UAP1: variants seen among roughly 807,000 people sequenced by gnomAD.
UAP1 encodes the protein UDP-N-acetylhexosamine pyrophosphorylase.
Under a neutral mutation model 58.5 loss-of-function variants are expected in UAP1, and 25 were observed. The observed-to-expected ratio is 0.43, with a 90% CI of 0.31 to 0.60. The LOEUF (loss-of-function observed/expected upper bound fraction) is 0.60. Ranked by LOEUF, UAP1 falls within the 20% of genes least tolerant of loss-of-function variation. The pLI is 0.11. For synonymous variants in UAP1, 208 were observed against 213.0 expected (o/e 0.98, Z 0.21); for missense variants, 575 against 630.0 (o/e 0.91, Z 0.93).
At chr1:162,571,814 T>G (rs1413530107) in intron 2 of UAP1, among the ~76,000 whole-genome samples, 2 of 152,206 alleles carry the variant, frequency 1.3e-5, no homozygotes, top group African/African-American at 4.8e-5. Flanking sequence ...CATTGCAACT[T>G]TATCGTAGTA....
At chr1:162,566,334 C>T in exon 2 of UAP1, 1 of 1,613,316 alleles carries the variant, frequency 6.2e-7, no homozygotes, top group Non-Finnish European at 8.5e-7. Flanking sequence ...CAGCTCCAGG[C>T]CTGGGAAAGT....
At chr1:162,566,383 A>G in intron 2 of UAP1, 35 bp downstream of exon 2, 2 of 1,577,406 alleles carry the variant, frequency 1.3e-6, no homozygotes, top group Non-Finnish European at 8.6e-7. Context: ...ACTGAAGTTT[A>G]TTTGAGATAT....
chr1:162,572,967 A>G (rs530101960), intron 2 of UAP1, among the ~76,000 whole-genome samples: 6 of 152,336 alleles, frequency 3.9e-5, no homozygotes, highest in East Asian at 3.9e-4. Flanking sequence ...GTGGACTCAT[A>G]TTTTAAAACA....
chr1:162,579,396 G>A (rs1176772466), intron 3 of UAP1, 32 bp from the exon 4 acceptor site: 4 of 1,444,436 alleles, frequency 2.8e-6, no homozygotes, highest in Non-Finnish European at 3.7e-6. Flanking sequence ...ACCTAGCACG[G>A]TTGCTTAGAA....
downstream of UAP1, among the ~76,000 whole-genome samples, chr1:162,600,538 A>T (rs1179442247): frequency 5.3e-5 from 8 of 152,168 alleles, no homozygotes; most frequent in African/African-American, 1.7e-4. Context: ...TGGATAAATG[A>T]TTCTAAAAAT....
At chr1:162,596,121 G>T (rs1208705112) in intron 9 of UAP1, among the ~76,000 whole-genome samples, 1 of 151,928 alleles carries the variant, frequency 6.6e-6, no homozygotes, top group Non-Finnish European at 1.5e-5. Context: ...TCAAAGTGCT[G>T]AGATTATAGG....
intron 4 of UAP1, 58 bp downstream of exon 4, chr1:162,579,661 A>T (rs1358048255): frequency 4.0e-5 from 54 of 1,340,608 alleles, no homozygotes; most frequent in Non-Finnish European, 5.0e-5. Flanking sequence ...AAATCATCAA[A>T]TGTTGATTTT....
intron 1 of UAP1, among the ~76,000 whole-genome samples, chr1:162,563,716 G>C (rs1197069364): frequency 1.3e-5 from 2 of 152,190 alleles, no homozygotes; most frequent in African/African-American, 2.4e-5. Context: ...TGAAGGTGGA[G>C]GAGTATCTAA....
intron 1 of UAP1, among the ~76,000 whole-genome samples, chr1:162,562,049 G>T (rs2101713306): frequency 6.6e-6 from 1 of 152,350 alleles, no homozygotes; most frequent in South Asian, 2.1e-4. Flanking sequence ...CGGGGCCAGG[G>T]ATGGAATGAG....
exon 2 of UAP1, chr1:162,566,037 C>T (rs1653470506): frequency 1.9e-6 from 3 of 1,597,078 alleles, no homozygotes; most frequent in Non-Finnish European, 2.6e-6. Context: ...CATTACACCC[C>T]TATTTCTACA....
chr1:162,569,580 T>G (rs915939927), intron 2 of UAP1, among the ~76,000 whole-genome samples: 4 of 152,216 alleles, frequency 2.6e-5, no homozygotes, highest in African/African-American at 9.6e-5. Flanking sequence ...TGGGAAAACC[T>G]GTTTGCTTGA....
At chr1:162,598,749 C>T (rs1411416743) in intron 10 of UAP1, among the ~76,000 whole-genome samples, 2 of 152,176 alleles carry the variant, frequency 1.3e-5, no homozygotes, top group African/African-American at 2.4e-5. Context: ...TGCAGTGGCT[C>T]ATGCCTGTAA....
At chr1:162,569,977 G>A (rs1415383089) in intron 2 of UAP1, among the ~76,000 whole-genome samples, 6 of 152,020 alleles carry the variant, frequency 3.9e-5, no homozygotes, top group South Asian at 2.1e-4. Flanking sequence ...ATGAAACCCC[G>A]TCTGTACTAA....
chr1:162,587,477 G>C, exon 6 of UAP1: 1 of 1,604,704 alleles, frequency 6.2e-7, no homozygotes, highest in South Asian at 1.1e-5. Flanking sequence ...GTGGACAGGT[G>C]GTAGAGAAAA....
intron 5 of UAP1, among the ~76,000 whole-genome samples, chr1:162,583,039 A>G (rs924645219): frequency 6.6e-6 from 1 of 151,220 alleles, no homozygotes; most frequent in Non-Finnish European, 1.5e-5. Flanking sequence ...GTGCAGTGGC[A>G]GGATCTCGGC....
chr1:162,581,338 A>G, exon 5 of UAP1: 3 of 1,613,940 alleles, frequency 1.9e-6, no homozygotes, highest in Non-Finnish European at 2.5e-6. Context: ...ATTGTGGAGG[A>G]TATGGAGCAA....
At chr1:162,592,248 G>T (rs1655359369) in intron 8 of UAP1, among the ~76,000 whole-genome samples, 1 of 152,062 alleles carries the variant, frequency 6.6e-6, no homozygotes, top group African/African-American at 2.4e-5. Flanking sequence ...AAATTAGCTG[G>T]GCATGGTAGC....
intron 5 of UAP1, 75 bp from the exon 6 acceptor site, chr1:162,587,400 A>G (rs1654958500): frequency 7.2e-7 from 1 of 1,389,958 alleles, no homozygotes; most frequent in Non-Finnish European, 9.9e-7. Flanking sequence ...TGTAAATGTC[A>G]TCTTTGACAA....
chr1:162,579,663 G>T, intron 4 of UAP1, 60 bp downstream of exon 4: 3 of 1,336,692 alleles, frequency 2.2e-6, no homozygotes, highest in South Asian at 1.7e-5. Flanking sequence ...ATCATCAAAT[G>T]TTGATTTTCT....
Sources: gnomAD v4.1 joint callset for allele counts (sites outside exome capture counted in the v4.1 genomes callset) on GRCh38, gnomAD v4.1.1 for gene constraint, MANE v1.5 for transcripts, NCBI Gene and HGNC (gene_info 2026-07-23, HGNC 2026-07-21) for gene names.